The following PBX1 variants were observed in gnomAD, a reference collection of about 807,000 sequenced individuals.
PBX1 encodes the protein PBX homeobox 1.
In PBX1, 6 loss-of-function variants were observed where a neutral mutation model predicts 53.4. The observed-to-expected ratio is 0.11, with a 90% CI of 0.06 to 0.22. The LOEUF is 0.22. Among genes scored for constraint, PBX1 ranks in the 10% least tolerant of loss-of-function variants. PBX1 has a pLI of 1.00. For synonymous variants in PBX1, 204 were observed against 212.3 expected (o/e 0.96, Z 0.34); for missense variants, 251 against 551.4 (o/e 0.46, Z 5.46).
intron 2 of PBX1, among the ~76,000 whole-genome samples, chr1:164,693,854 G>A (rs1380062882): frequency 6.6e-6 from 1 of 152,102 alleles, no homozygotes; most frequent in African/African-American, 2.4e-5. Flanking sequence ...CTAATCATAG[G>A]CACCTTATGC....
At chr1:164,653,871 G>T (rs1486547473) in intron 2 of PBX1, among the ~76,000 whole-genome samples, 2 of 152,056 alleles carry the variant, frequency 1.3e-5, no homozygotes, top group South Asian at 2.1e-4. Flanking sequence ...TCTTTGCTTG[G>T]GGCTCATTGT....
chr1:164,758,418 G>C (rs1303128264), intron 2 of PBX1, among the ~76,000 whole-genome samples: 3 of 152,182 alleles, frequency 2.0e-5, no homozygotes, highest in African/African-American at 7.2e-5. Context: ...GAAGAGGCAG[G>C]TTTTAGATGT....
chr1:164,635,677 C>T (rs972114701), intron 2 of PBX1, among the ~76,000 whole-genome samples: 20 of 152,244 alleles, frequency 1.3e-4, no homozygotes, highest in Admixed American at 2.6e-4. Context: ...GATCCACACA[C>T]TCAGCTATCA....
At chr1:164,817,877 G>A (rs1013347179) in intron 6 of PBX1, 8 of 152,202 alleles carry the variant, frequency 5.3e-5, no homozygotes, top group Admixed American at 5.2e-4. Context: ...ATTTACCACA[G>A]TGGAACCAGT....
chr1:164,679,309 T>C (rs1362705157), intron 2 of PBX1, among the ~76,000 whole-genome samples: 1 of 152,172 alleles, frequency 6.6e-6, no homozygotes, highest in Non-Finnish European at 1.5e-5. Flanking sequence ...TTGTTTGCAC[T>C]GCGGAAGGAT....
Position 164,792,582 on chromosome 1 carries a change from G to A in PBX1, c.354G>A (p.Ala118=). 1.9e-6 allele frequency: 3 copies of A among 1,614,076 alleles called. No individual in the cohort carries two copies. The highest frequency in any genetic ancestry group is 2.5e-6 in the Non-Finnish European group (3 of 1,179,992). The change falls in exon 3 of 9, where the codon GCG becomes GCA. Residue 118 remains alanine, a synonymous_variant. Coordinates refer to ENST00000420696, the MANE Select transcript of PBX1 (RefSeq NM_002585.4). The part of the protein sequence containing the change: ...LDNMLLAEGV[A]GPEKGGGSAA... ...ACATGCTGTTAGCGGAAGGCGTGGC[G>A]GGGCCTGAGAAGGGCGGAGGGTCGG...
At chr1:164,573,518 G>GTC (rs1361303166) in intron 2 of PBX1, among the ~76,000 whole-genome samples, 1 of 121,504 alleles carries the variant, frequency 8.2e-6, no homozygotes, top group African/African-American at 3.2e-5. Flanking sequence ...TAAAGACAGT[G>GTC]TCTCTCTCTG....
intron 2 of PBX1, among the ~76,000 whole-genome samples, chr1:164,637,288 T>C (rs1658839686): frequency 6.6e-6 from 1 of 152,238 alleles, no homozygotes; most frequent in Admixed American, 6.5e-5. Context: ...GAACTCTATA[T>C]AGTGCCTCCT....
At chr1:164,631,195 T>C (rs1658390625) in intron 2 of PBX1, 1 of 152,236 alleles carries the variant, frequency 6.6e-6, no homozygotes, top group Non-Finnish European at 1.5e-5. Flanking sequence ...AGATAGCTTT[T>C]AAAAGCCACC....
intron 2 of PBX1, among the ~76,000 whole-genome samples, chr1:164,707,212 GC>G (rs1293322234): frequency 1.3e-5 from 2 of 152,192 alleles, no homozygotes; most frequent in Non-Finnish European, 2.9e-5. Context: ...GTGACATGAA[GC>G]CCTGGCTTAA....
intron 5 of PBX1, among the ~76,000 whole-genome samples, chr1:164,810,736 C>G (rs1669566996): frequency 6.6e-6 from 1 of 152,136 alleles, no homozygotes; most frequent in African/African-American, 2.4e-5. Flanking sequence ...GAAATACACC[C>G]AAAAGTGTCC....
At chr1:164,601,601 G>T (rs1001190323) in intron 2 of PBX1, among the ~76,000 whole-genome samples, 2 of 152,170 alleles carry the variant, frequency 1.3e-5, no homozygotes, top group Non-Finnish European at 2.9e-5. Context: ...TTAAACTGTG[G>T]CAGGAGGGTC....
intron 2 of PBX1, among the ~76,000 whole-genome samples, chr1:164,577,267 T>C (rs1380136627): frequency 1.3e-5 from 2 of 152,198 alleles, no homozygotes; most frequent in Non-Finnish European, 2.9e-5. Context: ...TGACATTTGT[T>C]TTCCTTAAGC....
intron 2 of PBX1, among the ~76,000 whole-genome samples, chr1:164,874,681 A>T (rs1672463342): frequency 6.6e-6 from 1 of 152,052 alleles, no homozygotes; most frequent in South Asian, 2.1e-4. Context: ...TTTGGTAGAG[A>T]CGAGTTTTCT....
At chr1:164,579,048 G>T (rs551027917) in intron 2 of PBX1, among the ~76,000 whole-genome samples, 2 of 151,818 alleles carry the variant, frequency 1.3e-5, no homozygotes, top group Admixed American at 6.6e-5. Flanking sequence ...CGCTGAATAG[G>T]CATTCTGTGA....
At chr1:164,844,303 G>A (rs1271034884) in intron 8 of PBX1, among the ~76,000 whole-genome samples, 1 of 151,892 alleles carries the variant, frequency 6.6e-6, no homozygotes, top group East Asian at 1.9e-4. Flanking sequence ...GCATTCCCCA[G>A]TGTGACGTGC....
At chr1:164,710,433 T>C (rs1275265395) in intron 2 of PBX1, among the ~76,000 whole-genome samples, 3 of 151,942 alleles carry the variant, frequency 2.0e-5, no homozygotes, top group African/African-American at 7.2e-5. Context: ...TTTTTTGAGA[T>C]GGAGTTTTGT....
intron 2 of PBX1, among the ~76,000 whole-genome samples, chr1:164,867,378 G>A (rs1672242762): frequency 2.0e-5 from 3 of 152,124 alleles, no homozygotes; most frequent in Admixed American, 6.5e-5. Flanking sequence ...TATAAAATTG[G>A]GCTACGCAGA....
chr1:164,732,796 C>G (rs936416190), intron 2 of PBX1, among the ~76,000 whole-genome samples: 4 of 152,088 alleles, frequency 2.6e-5, no homozygotes, highest in Admixed American at 2.6e-4. Context: ...ACCTAGAGAA[C>G]CTACAGAAAT....
Sources: allele counts gnomAD v4.1 joint callset (sites outside exome capture counted in the v4.1 genomes callset), GRCh38; gene constraint gnomAD v4.1.1; transcripts MANE v1.5; gene names NCBI Gene and HGNC (gene_info 2026-07-23, HGNC 2026-07-21).